Variants in CAST observed in about 807,000 individuals in gnomAD.
CAST encodes MIR583 host.
Under a neutral mutation model 119.6 loss-of-function variants are expected in CAST, and 76 were observed. That is an observed-to-expected ratio of 0.64 (90% CI 0.53 to 0.77). The LOEUF (loss-of-function observed/expected upper bound fraction) is 0.77, where lower values mean the gene tolerates loss of function less well. Among genes scored for constraint, CAST ranks in the 30% least tolerant of loss-of-function variants. The pLI, the probability that CAST is intolerant of heterozygous loss-of-function variation, is 0.00. For synonymous variants in CAST, 319 were observed against 331.6 expected (o/e 0.96, Z 0.41); for missense variants, 953 against 946.5 (o/e 1.01, Z -0.09).
At chr5:96,002,880 A>T in the CAST span, among the ~76,000 whole-genome samples, 1 of 152,160 alleles carries the variant, frequency 6.6e-6, no homozygotes, top group Non-Finnish European at 1.5e-5. Flanking sequence ...ATTTTCTCTC[A>T]GTCTTTCTTA....
At chr5:95,974,619 AATT>A in the CAST span, among the ~76,000 whole-genome samples, 10 of 152,244 alleles carry the variant, frequency 6.6e-5, no homozygotes, top group Non-Finnish European at 5.9e-5. Context: ...TTGGTGAAAG[AATT>A]ATTAAGTGCT....
the CAST span, among the ~76,000 whole-genome samples, chr5:96,090,398 G>T: frequency 3.3e-5 from 5 of 152,084 alleles, no homozygotes; most frequent in Non-Finnish European, 7.3e-5. Flanking sequence ...GTTAGAGCAG[G>T]TGGGGCCATT....
chr5:96,592,100 T>G lies in CAST; in HGVS notation c.60+62220T>G, dbSNP rs1176498381. On this transcript the variant is annotated intron_variant, in intron 1 of 11. Transcript: ENST00000505143. Reference sequence around the variant, plus strand: ...TGAAGGAATGGCTTAGAAGTTGATATAAGAACCCAGCTATGGCCGGGTGCG... The same window carrying G: ...TGAAGGAATGGCTTAGAAGTTGATAGAAGAACCCAGCTATGGCCGGGTGCG... 4.6e-5 allele frequency among the ~76,000 whole-genome samples: 7 copies of G among 152,256 alleles called. No individual in the cohort carries two copies. In the East Asian group the frequency reaches 1.4e-3, roughly 29 times the overall value.
the CAST span, among the ~76,000 whole-genome samples, chr5:96,068,972 T>C: frequency 6.6e-6 from 1 of 151,092 alleles, no homozygotes; most frequent in Non-Finnish European, 1.5e-5. Context: ...TATGCGTGTA[T>C]GTATGTGTAT....
intron 9 of CAST, among the ~76,000 whole-genome samples, chr5:96,733,832 G>T (rs1484116268): frequency 6.6e-6 from 1 of 152,080 alleles, no homozygotes; most frequent in Non-Finnish European, 1.5e-5. Context: ...AGCCAAGATC[G>T]CACCGTTGCA....
the CAST span, chr5:96,432,269 C>G: frequency 1.4e-6 from 1 of 725,440 alleles, no homozygotes; most frequent in East Asian, 2.7e-5. Context: ...ATTTCTCCCC[C>G]CAGCTTCCCA....
At chr5:96,235,448 C>A in the CAST span, among the ~76,000 whole-genome samples, 7 of 152,110 alleles carry the variant, frequency 4.6e-5, no homozygotes, top group South Asian at 1.2e-3. Context: ...AGTGGCTGAG[C>A]CTTTTCTATA....
At chr5:96,358,633 G>A in the CAST span, among the ~76,000 whole-genome samples, 16 of 152,262 alleles carry the variant, frequency 1.1e-4, no homozygotes, top group East Asian at 1.9e-4. Context: ...CCATGTAGTC[G>A]TGTGGTTTTG....
At chr5:96,258,310 GCCT>G in the CAST span, among the ~76,000 whole-genome samples, 1 of 152,066 alleles carries the variant, frequency 6.6e-6, no homozygotes. Context: ...TCTAAGCTAT[GCCT>G]CCTCTGTTTC....
At chr5:96,767,397 CAGATA>C in intron 27 of CAST, 36 bp from the exon 28 acceptor site, 1 of 1,546,564 alleles carries the variant, frequency 6.5e-7, no homozygotes, top group Non-Finnish European at 8.9e-7. Flanking sequence ...TAAACCTTTA[CAGATA>C]TCTATGCTTA....
the CAST span, among the ~76,000 whole-genome samples, chr5:96,188,116 T>C: frequency 6.6e-6 from 1 of 152,192 alleles, no homozygotes; most frequent in Non-Finnish European, 1.5e-5. Flanking sequence ...GCTGTCTATA[T>C]AGGTCTAAGC....
At chr5:96,153,740 T>G in the CAST span, among the ~76,000 whole-genome samples, 2 of 152,210 alleles carry the variant, frequency 1.3e-5, no homozygotes, top group African/African-American at 4.8e-5. Flanking sequence ...TGAAAATGTC[T>G]GTTAAAGCCA....
the CAST span, among the ~76,000 whole-genome samples, chr5:96,254,317 A>T: frequency 7.9e-5 from 12 of 152,068 alleles, no homozygotes; most frequent in Non-Finnish European, 1.5e-4. Context: ...CAGTGACTTT[A>T]TGTTATTACT....
At chr5:96,667,779 C>A (rs1749530034) in intron 1 of CAST, among the ~76,000 whole-genome samples, 1 of 152,160 alleles carries the variant, frequency 6.6e-6, no homozygotes, top group South Asian at 2.1e-4. Flanking sequence ...CTTTGGGAGG[C>A]TGAGGCGGAT....
At chr5:96,654,966 C>G (rs963779153) in intron 1 of CAST, among the ~76,000 whole-genome samples, 1 of 152,082 alleles carries the variant, frequency 6.6e-6, no homozygotes, top group Non-Finnish European at 1.5e-5. Flanking sequence ...GAAAATAAAA[C>G]CAAAATAGAA....
chr5:96,479,163 C>A, the CAST span, among the ~76,000 whole-genome samples: 1 of 152,202 alleles, frequency 6.6e-6, no homozygotes, highest in African/African-American at 2.4e-5. Context: ...CTGCTTAGTA[C>A]AGGCTCTTCC....
the CAST span, among the ~76,000 whole-genome samples, chr5:96,126,301 A>G: frequency 6.6e-6 from 1 of 152,130 alleles, no homozygotes; most frequent in Non-Finnish European, 1.5e-5. Context: ...CTATACTGAG[A>G]AATAGATTGT....
the CAST span, among the ~76,000 whole-genome samples, chr5:96,172,292 G>A: frequency 6.6e-6 from 1 of 152,170 alleles, no homozygotes; most frequent in Non-Finnish European, 1.5e-5. Flanking sequence ...GTGGTGGAAT[G>A]TCATCAGTTA....
At chr5:96,112,997 T>C in the CAST span, among the ~76,000 whole-genome samples, 1 of 152,244 alleles carries the variant, frequency 6.6e-6, no homozygotes, top group African/African-American at 2.4e-5. Flanking sequence ...GGACCATCTG[T>C]ATTTCCCAAA....
Sources: allele counts gnomAD v4.1 joint callset (sites outside exome capture counted in the v4.1 genomes callset), GRCh38; gene constraint gnomAD v4.1.1; transcripts MANE v1.5; gene names NCBI Gene and HGNC (gene_info 2026-07-23, HGNC 2026-07-21).